Variants in RANBP17 observed in about 807,000 individuals in gnomAD.
RANBP17 encodes the protein ran-binding protein 17.
Under a neutral mutation model 141.2 loss-of-function variants are expected in RANBP17, and 158 were observed. That is an observed-to-expected ratio of 1.12 (90% confidence interval 0.98 to 1.28). The LOEUF (loss-of-function observed/expected upper bound fraction) is 1.28, where lower values mean the gene tolerates loss of function less well. RANBP17 is among the 50% of genes most tolerant of loss of function. The probability of loss-of-function intolerance (pLI) is 0.00; values close to 1 mark genes in which losing one functional copy is unlikely to be tolerated. For missense variants in RANBP17, 1,438 were observed against 1,290.7 expected (o/e 1.11, Z -1.75); for synonymous variants, 430 against 450.0 (o/e 0.96, Z 0.56).
chr5:170,919,114 A>T (rs1367656001), intron 10 of RANBP17, among the ~76,000 whole-genome samples: 1 of 151,984 alleles, frequency 6.6e-6, no homozygotes, highest in Non-Finnish European at 1.5e-5. Context: ...ATTTTTACAG[A>T]TTATATTATA....
At chr5:171,211,618 T>C (rs1244879783) in intron 20 of RANBP17, among the ~76,000 whole-genome samples, 4 of 150,250 alleles carry the variant, frequency 2.7e-5, no homozygotes, top group Non-Finnish European at 5.9e-5. Flanking sequence ...ATAAATTCCA[T>C]GAGGGCAGGG....
chr5:171,089,330 C>T (rs1263405253), intron 14 of RANBP17, among the ~76,000 whole-genome samples: 4 of 139,492 alleles, frequency 2.9e-5, no homozygotes, highest in Non-Finnish European at 6.3e-5. Flanking sequence ...AGATCTCCAG[C>T]TGCGTGCTGG....
At chr5:171,210,243 C>G (rs1581030861) in intron 20 of RANBP17, among the ~76,000 whole-genome samples, 1 of 152,126 alleles carries the variant, frequency 6.6e-6, no homozygotes, top group East Asian at 1.9e-4. Flanking sequence ...GGTTCTCACC[C>G]TGTAATTGAG....
At chr5:170,864,173 A>ATC (rs1767049235) in intron 1 of RANBP17, among the ~76,000 whole-genome samples, 1 of 152,208 alleles carries the variant, frequency 6.6e-6, no homozygotes, top group African/African-American at 2.4e-5. Flanking sequence ...TTACAGAGTT[A>ATC]GAGTAGGCCT....
In RANBP17 at chr5:170,895,386, A is replaced by G. The variant is rs979893196; in HGVS notation, c.424-664A>G. On this transcript the variant is annotated intron_variant, in intron 4 of 27. Transcript: ENST00000523189. ...AGGGTAGTTTGTTAGTAATGTGCAT[A>G]TAAAGTCTGAATTTTAATGATGGAA... Among the ~76,000 whole-genome samples, 54 of 152,238 alleles carry G rather than the reference A, an allele frequency of 3.5e-4. 1 individual carries two copies. Among genetic ancestry groups the G allele is most frequent in the Non-Finnish European group, 8.8e-5 (6 of 68,042 alleles).
intron 14 of RANBP17, among the ~76,000 whole-genome samples, chr5:171,082,171 T>G (rs1218880722): frequency 1.3e-5 from 2 of 152,158 alleles, no homozygotes; most frequent in Non-Finnish European, 2.9e-5. Flanking sequence ...CACACCTGAC[T>G]TGCGCTCATC....
intron 24 of RANBP17, among the ~76,000 whole-genome samples, chr5:171,249,432 A>G (rs1340303332): frequency 6.6e-6 from 1 of 152,230 alleles, no homozygotes; most frequent in Non-Finnish European, 1.5e-5. Flanking sequence ...ATCTTACTCA[A>G]AAAGAAATTT....
At chr5:170,872,644 G>A (rs562693807) in intron 1 of RANBP17, among the ~76,000 whole-genome samples, 18 of 152,228 alleles carry the variant, frequency 1.2e-4, no homozygotes, top group Middle Eastern at 3.4e-3. Context: ...TTGGCTGTGG[G>A]TTTGTCATAA....
intron 12 of RANBP17, among the ~76,000 whole-genome samples, chr5:170,928,894 A>G (rs929257134): frequency 2.6e-5 from 4 of 151,884 alleles, no homozygotes; most frequent in African/African-American, 9.7e-5. Flanking sequence ...GCCTCAATCT[A>G]TACATCAGTT....
At chr5:170,966,017 C>A (rs1463768985) in intron 13 of RANBP17, among the ~76,000 whole-genome samples, 1 of 152,074 alleles carries the variant, frequency 6.6e-6, no homozygotes, top group African/African-American at 2.4e-5. Flanking sequence ...TCTGAATAGA[C>A]CAATAACAGG....
chr5:171,057,373 A>ATT (rs1195753648), intron 14 of RANBP17, among the ~76,000 whole-genome samples: 2 of 152,164 alleles, frequency 1.3e-5, no homozygotes, highest in African/African-American at 4.8e-5. Flanking sequence ...AAGTTAGCAT[A>ATT]TTTTATACAT....
At chr5:170,943,958 ACTC>A (rs1199941470) in intron 12 of RANBP17, among the ~76,000 whole-genome samples, 7 of 152,064 alleles carry the variant, frequency 4.6e-5, no homozygotes, top group Admixed American at 1.3e-4. Context: ...TAGTAGACTT[ACTC>A]CTCCTGTACA....
intron 25 of RANBP17, among the ~76,000 whole-genome samples, chr5:171,289,217 T>C (rs1768339958): frequency 6.6e-6 from 1 of 152,188 alleles, no homozygotes; most frequent in African/African-American, 2.4e-5. Context: ...CCCACTGCCA[T>C]TGCAATCATC....
chr5:171,068,648 G>T (rs1784448592), intron 14 of RANBP17, among the ~76,000 whole-genome samples: 1 of 152,084 alleles, frequency 6.6e-6, no homozygotes, highest in African/African-American at 2.4e-5. Context: ...GTGCAGGGAT[G>T]TGATCTCAGC....
intron 7 of RANBP17, among the ~76,000 whole-genome samples, chr5:170,912,654 A>G (rs1285357782): frequency 6.6e-6 from 1 of 151,926 alleles, no homozygotes; most frequent in Non-Finnish European, 1.5e-5. Flanking sequence ...AAGTTAACCC[A>G]ATCTCCTAGA....
chr5:171,223,015 G>A (rs1763667411), intron 22 of RANBP17, among the ~76,000 whole-genome samples: 1 of 152,086 alleles, frequency 6.6e-6, no homozygotes, highest in Non-Finnish European at 1.5e-5. Context: ...GTTTGTGTAT[G>A]TATGTAAGAA....
At chr5:170,984,383 T>C (rs1290440768) in intron 14 of RANBP17, among the ~76,000 whole-genome samples, 1 of 152,078 alleles carries the variant, frequency 6.6e-6, no homozygotes, top group East Asian at 1.9e-4. Context: ...TCCTAGTGCT[T>C]TGGGAGATAA....
intron 14 of RANBP17, among the ~76,000 whole-genome samples, chr5:171,163,142 T>C (rs1408486430): frequency 6.6e-6 from 1 of 152,228 alleles, no homozygotes; most frequent in Admixed American, 6.5e-5. Context: ...ACATAAATTA[T>C]GGTTTTAAAA....
intron 5 of RANBP17, among the ~76,000 whole-genome samples, chr5:170,903,266 T>C (rs1770798261): frequency 6.6e-6 from 1 of 152,154 alleles, no homozygotes; most frequent in Non-Finnish European, 1.5e-5. Context: ...AACTTCCAAG[T>C]GTCTTTGTTT....
Sources: allele counts gnomAD v4.1 joint callset (sites outside exome capture counted in the v4.1 genomes callset), GRCh38; gene constraint gnomAD v4.1.1; transcripts MANE v1.5; gene names NCBI Gene and HGNC (gene_info 2026-07-23, HGNC 2026-07-21).